PRIM2: variants seen among roughly 807,000 people sequenced by gnomAD.
The protein encoded by PRIM2 is DNA primase large subunit.
Under a neutral mutation model 67.3 loss-of-function variants are expected in PRIM2, and 39 were observed. The observed-to-expected ratio is 0.58, with a 90% CI of 0.45 to 0.76. PRIM2 has a LOEUF of 0.76. Ranked by LOEUF, PRIM2 falls within the 30% of genes least tolerant of loss-of-function variation. The pLI, the probability that PRIM2 is intolerant of heterozygous loss-of-function variation, is 0.00. For synonymous variants in PRIM2, 143 were observed against 198.7 expected, an observed-to-expected ratio of 0.72 and a Z score of 2.36; for missense variants, 398 against 598.7, an observed-to-expected ratio of 0.66 and a Z score of 3.50.
At chr6:57,227,510 G>T in the PRIM2 span, among the ~76,000 whole-genome samples, 1 of 151,974 alleles carries the variant, frequency 6.6e-6, no homozygotes, top group African/African-American at 2.4e-5. Context: ...TGGGCGTTGT[G>T]GCGCACGCCT....
At chr6:57,356,533 A>C (rs1215452752) in intron 5 of PRIM2, among the ~76,000 whole-genome samples, 1 of 152,238 alleles carries the variant, frequency 6.6e-6, no homozygotes, top group Non-Finnish European at 1.5e-5. Flanking sequence ...TCAGTAGTAT[A>C]AAGCTAATAG....
At chr6:57,384,064 C>T (rs943170471) in intron 7 of PRIM2, among the ~76,000 whole-genome samples, 1 of 152,154 alleles carries the variant, frequency 6.6e-6, no homozygotes, top group African/African-American at 2.4e-5. Context: ...AATGTTTCAC[C>T]CCTTTCTCTG....
chr6:57,257,113 T>TG, the PRIM2 span, among the ~76,000 whole-genome samples: 2 of 152,230 alleles, frequency 1.3e-5, no homozygotes, highest in Non-Finnish European at 2.9e-5. Context: ...AAACAACTGG[T>TG]GTATCTTCTT....
At chr6:57,420,671 G>T (rs1237614034) in intron 7 of PRIM2, among the ~76,000 whole-genome samples, 3 of 152,186 alleles carry the variant, frequency 2.0e-5, no homozygotes, top group African/African-American at 7.2e-5. Flanking sequence ...GAGGCTTTTT[G>T]ATATCTGCCA....
rs1447543821 is a variant in PRIM2 at position 57,550,307 on chromosome 6, A to T, written c.1020+12682A>T. On this transcript the variant is annotated intron_variant, in intron 10 of 13. Transcript: ENST00000615550. ...TGTTAAGGGTTTAATTCTTCTCTTG[A>T]TGCTTTCCATAGCATGTGGAATACC... Among the ~76,000 whole-genome samples the T allele has an allele frequency of 7.9e-5, 12 of 152,300 alleles. No individual in the cohort carries two copies. In the South Asian group the frequency reaches 1.2e-3, roughly 16 times the overall value.
At chr6:57,368,224 A>T (rs1769433311) in intron 5 of PRIM2, among the ~76,000 whole-genome samples, 1 of 151,988 alleles carries the variant, frequency 6.6e-6, no homozygotes, top group Non-Finnish European at 1.5e-5. Flanking sequence ...AGAAAAGCGG[A>T]TTCTTTTCCT....
In PRIM2 at chr6:57,605,627, A is replaced by T. The variant is rs1329743991; in HGVS notation, c.1148-748A>T. 2.3e-4 allele frequency among the ~76,000 whole-genome samples: 35 copies of T among 152,288 alleles called. No homozygotes were observed. The South Asian group carries it at 6.6e-3, about 29-fold the overall frequency. ...GAAAAAAAAGACTTTTCTATATTAA[A>T]TTTTTAATAAGCATTTTGACTTACC... is the stretch of plus-strand genomic sequence containing the variant. On this transcript the variant is annotated intron_variant, in intron 11 of 13. Transcript: ENST00000615550.
chr6:57,422,158 C>CTTTCTTTTTTTT (rs1771485706), intron 7 of PRIM2, among the ~76,000 whole-genome samples: 1 of 103,316 alleles, frequency 9.7e-6, no homozygotes, highest in Non-Finnish European at 1.9e-5. Flanking sequence ...TCTTTTCTTT[C>CTTTCTTTTTTTT]TTTTTTTTTT....
chr6:57,580,694 C>G (rs1312979390), intron 10 of PRIM2, among the ~76,000 whole-genome samples: 1 of 152,134 alleles, frequency 6.6e-6, no homozygotes, highest in Non-Finnish European at 1.5e-5. Flanking sequence ...TCAAAGAATT[C>G]TTTCAAGGTT....
chr6:57,508,844 A>G (rs1554347452), intron 8 of PRIM2, among the ~76,000 whole-genome samples: 1 of 152,156 alleles, frequency 6.6e-6, no homozygotes, highest in Non-Finnish European at 1.5e-5. Context: ...TTGCTTTTAC[A>G]TACTTTAAAG....
chr6:57,430,126 G>C (rs1174694517), intron 7 of PRIM2, among the ~76,000 whole-genome samples: 22 of 152,138 alleles, frequency 1.4e-4, no homozygotes, highest in African/African-American at 5.3e-4. Flanking sequence ...TGTTAGTTCA[G>C]TCACAATCAA....
At chr6:57,518,020 C>T (rs1774522343) in intron 8 of PRIM2, among the ~76,000 whole-genome samples, 2 of 152,106 alleles carry the variant, frequency 1.3e-5, no homozygotes, top group Admixed American at 1.3e-4. Flanking sequence ...CCTTTATTTA[C>T]TCAGAGTAAA....
At chr6:57,471,244 T>C (rs1773330664) in intron 7 of PRIM2, among the ~76,000 whole-genome samples, 1 of 151,724 alleles carries the variant, frequency 6.6e-6, no homozygotes, top group African/African-American at 2.4e-5. Context: ...ACTAAACAAA[T>C]AGAGGAGAGA....
At chr6:57,246,349 T>G in the PRIM2 span, among the ~76,000 whole-genome samples, 1 of 152,224 alleles carries the variant, frequency 6.6e-6, no homozygotes, top group Non-Finnish European at 1.5e-5. Flanking sequence ...AAGAATACTA[T>G]TCTACCTACG....
At chr6:57,480,169 AGT>A (rs1238244561) in intron 7 of PRIM2, among the ~76,000 whole-genome samples, 2 of 152,220 alleles carry the variant, frequency 1.3e-5, no homozygotes, top group African/African-American at 4.8e-5. Flanking sequence ...AGAGGTGAAG[AGT>A]GTGGAACAGT....
At chr6:57,239,619 G>C in the PRIM2 span, among the ~76,000 whole-genome samples, 1 of 152,130 alleles carries the variant, frequency 6.6e-6, no homozygotes, top group Non-Finnish European at 1.5e-5. Flanking sequence ...GCGCATGCCT[G>C]TATTCTCAGC....
chr6:57,626,598 T>C (rs2127498188), intron 12 of PRIM2, among the ~76,000 whole-genome samples: 1 of 152,102 alleles, frequency 6.6e-6, no homozygotes, highest in East Asian at 1.9e-4. Context: ...AAATATGAAC[T>C]TTTTGTGAAG....
chr6:57,625,111 C>T (rs1776926344), intron 12 of PRIM2, among the ~76,000 whole-genome samples: 1 of 152,130 alleles, frequency 6.6e-6, no homozygotes, highest in Non-Finnish European at 1.5e-5. Flanking sequence ...ATGGGAGCTA[C>T]AGTTCAAGAT....
intron 5 of PRIM2, among the ~76,000 whole-genome samples, chr6:57,352,033 G>A (rs1768874578): frequency 6.6e-6 from 1 of 152,112 alleles, no homozygotes; most frequent in Non-Finnish European, 1.5e-5. Flanking sequence ...AGCTTGGCAG[G>A]CATATAGTAA....
Sources: allele counts gnomAD v4.1 joint callset (sites outside exome capture counted in the v4.1 genomes callset), GRCh38; gene constraint gnomAD v4.1.1; transcripts MANE v1.5; gene names NCBI Gene and HGNC (gene_info 2026-07-23, HGNC 2026-07-21).